The following NREP variants were observed in gnomAD, a reference collection of about 807,000 sequenced individuals.
NREP encodes the protein neuronal regeneration related protein, also known as neuronal regeneration-related protein.
Under a neutral mutation model 8.6 loss-of-function variants are expected in NREP, and 5 were observed. That is an observed-to-expected ratio of 0.58 (90% CI 0.30 to 1.22). The LOEUF is 1.22. NREP is among the 50% of genes most tolerant of loss of function. The pLI, the probability that NREP is intolerant of heterozygous loss-of-function variation, is 0.07. For synonymous variants in NREP, 27 were observed against 28.0 expected (o/e 0.96, Z 0.11); for missense variants, 86 against 82.5 (o/e 1.04, Z -0.17).
chr5:111,838,113 A>G (rs1752940025), intron 2 of NREP, among the ~76,000 whole-genome samples: 2 of 152,154 alleles, frequency 1.3e-5, no homozygotes, highest in South Asian at 4.1e-4. Context: ...TAAAATGAAA[A>G]AACAAAATTA....
rs376856409 is a variant in NREP, at chr5:111,916,477, G to A, written c.135+58797C>T. Among the ~76,000 whole-genome samples the A allele has an allele frequency of 2.4e-4, 37 of 152,182 alleles. No homozygotes were observed. In the South Asian group the frequency reaches 7.5e-3, roughly 31 times the overall value. ...TAGACCTTCCCCAGTCCTAGATGGA[G>A]TACCCTATCATCACATCTCTGTAGC... On this transcript the variant is annotated intron_variant, in intron 2 of 3. Coordinates refer to the NREP transcript ENST00000395634.
intron 1 of NREP, chr5:111,975,457 G>C (rs1581266517): frequency 1.1e-6 from 1 of 940,350 alleles, no homozygotes; most frequent in Non-Finnish European, 1.7e-6. Flanking sequence ...GCAATTCAGA[G>C]AGGAGGAGAA....
At chr5:111,926,991 T>C (rs1428331038) in intron 2 of NREP, among the ~76,000 whole-genome samples, 1 of 151,798 alleles carries the variant, frequency 6.6e-6, no homozygotes, top group East Asian at 2.0e-4. Context: ...TTTGATTCCT[T>C]AGATTTGTAT....
intron 3 of NREP, chr5:111,733,032 G>C (rs1156951953): frequency 6.6e-6 from 1 of 152,134 alleles, no homozygotes; most frequent in Non-Finnish European, 1.5e-5. Context: ...ACAAAAGGAA[G>C]AGCTAGGGAT....
At chr5:111,971,393 T>C (rs72786293) in intron 2 of NREP, among the ~76,000 whole-genome samples, 2 of 152,046 alleles carry the variant, frequency 1.3e-5, no homozygotes, top group Admixed American at 6.6e-5. Flanking sequence ...AGCCAGTCAA[T>C]CTGTAGCAAA....
At chr5:111,889,595 A>C in intron 2 of NREP, among the ~76,000 whole-genome samples, 1 of 152,234 alleles carries the variant, frequency 6.6e-6, no homozygotes, top group Non-Finnish European at 1.5e-5. Flanking sequence ...TTAACTCAAA[A>C]GTCCCAAGTC....
chr5:111,912,456 C>G (rs1256124763), intron 2 of NREP: 1 of 152,106 alleles, frequency 6.6e-6, no homozygotes, highest in Non-Finnish European at 1.5e-5. Flanking sequence ...GCCACTGAAG[C>G]TTGAGTCATA....
intron 2 of NREP, among the ~76,000 whole-genome samples, chr5:111,878,355 C>A (rs578248757): frequency 6.6e-6 from 1 of 152,236 alleles, no homozygotes; most frequent in South Asian, 2.1e-4. Context: ...AGGGAAGAAG[C>A]ACATCTTACA....
chr5:111,754,740 T>A (rs544944109), intron 2 of NREP, among the ~76,000 whole-genome samples: 2 of 152,292 alleles, frequency 1.3e-5, no homozygotes, highest in East Asian at 1.9e-4. Flanking sequence ...GACGCATACA[T>A]AAAAAATAAA....
intron 3 of NREP, chr5:111,733,949 A>G (rs1434222492): frequency 6.6e-6 from 1 of 152,214 alleles, no homozygotes; most frequent in African/African-American, 2.4e-5. Flanking sequence ...CCAGAAGGGA[A>G]CTTCTGGAAA....
At chr5:111,824,788 G>A (rs1397765261) in intron 2 of NREP, among the ~76,000 whole-genome samples, 1 of 152,112 alleles carries the variant, frequency 6.6e-6, no homozygotes, top group South Asian at 2.1e-4. Context: ...ATCTTTTCCA[G>A]GTGAATTTAG....
rs17133768 is a variant in NREP, at chr5:111,796,498, C to G, written c.136-60991G>C. On this transcript the variant is annotated intron_variant, in intron 2 of 3. Transcript: ENST00000395634. ...AATTGGCATCCCAAAGTCTCTAAGC[C>G]GAGAAGGCAGAATTAAGGCAAGTCT... Among the ~76,000 whole-genome samples the G allele has an allele frequency of 7.9e-3, 1,200 of 152,184 alleles. 18 individuals carry two copies. The highest frequency in any genetic ancestry group is 0.028 in the African/African-American group (1,154 of 41,522).
intron 2 of NREP, among the ~76,000 whole-genome samples, chr5:111,915,164 G>A (rs1442184068): frequency 3.3e-5 from 5 of 152,088 alleles, no homozygotes; most frequent in Admixed American, 6.6e-5. Flanking sequence ...ACAGGGAACT[G>A]GAAGTGCCTG....
chr5:111,853,813 T>C (rs929861302), intron 2 of NREP, among the ~76,000 whole-genome samples: 9 of 152,134 alleles, frequency 5.9e-5, no homozygotes, highest in Non-Finnish European at 1.5e-5. Context: ...TTAAGGTTAA[T>C]ATAAGCTTAT....
intron 2 of NREP, among the ~76,000 whole-genome samples, chr5:111,963,898 G>T (rs1351254664): frequency 6.6e-6 from 1 of 152,058 alleles, no homozygotes; most frequent in African/African-American, 2.4e-5. Context: ...TGCCTGTGTT[G>T]GTAAGGACTT....
At chr5:111,779,702 T>C (rs1751447599) in intron 2 of NREP, among the ~76,000 whole-genome samples, 1 of 152,166 alleles carries the variant, frequency 6.6e-6, no homozygotes, top group African/African-American at 2.4e-5. Context: ...AGAGAGTATA[T>C]CTTTCATATT....
downstream of NREP, chr5:111,729,017 T>C (rs900302081): frequency 2.0e-5 from 3 of 151,452 alleles, no homozygotes; most frequent in Admixed American, 2.0e-4. Flanking sequence ...TGGGAATGCC[T>C]TGGAAGGGAG....
intron 2 of NREP, among the ~76,000 whole-genome samples, chr5:111,924,412 T>A (rs1160962797): frequency 6.6e-6 from 1 of 151,488 alleles, no homozygotes; most frequent in Non-Finnish European, 1.5e-5. Context: ...GCCAGAGAGA[T>A]CTTGGAAGGC....
At chr5:111,958,867 C>T (rs895275045) in intron 2 of NREP, among the ~76,000 whole-genome samples, 7 of 151,854 alleles carry the variant, frequency 4.6e-5, no homozygotes, top group Admixed American at 2.6e-4. Flanking sequence ...TGTGCTACCA[C>T]ATAGCAAGAC....
Sources: gnomAD v4.1 joint callset for allele counts (sites outside exome capture counted in the v4.1 genomes callset) on GRCh38, gnomAD v4.1.1 for gene constraint, MANE v1.5 for transcripts, NCBI Gene and HGNC (gene_info 2026-07-23, HGNC 2026-07-21) for gene names.